The following APP variants were observed in gnomAD, a reference collection of about 807,000 sequenced individuals.
The protein encoded by APP is amyloid beta precursor protein.
APP carries 31 observed loss-of-function variants against 101.4 expected under a neutral mutation model. The ratio of observed to expected loss-of-function variants is 0.31; its 90% CI spans 0.23 to 0.41. The LOEUF (loss-of-function observed/expected upper bound fraction) is 0.41, where lower values mean the gene tolerates loss of function less well. APP is among the 10% of genes least tolerant of loss of function. The pLI is 1.00. For synonymous variants in APP, 366 were observed against 364.4 expected (o/e 1.00, Z -0.05); for missense variants, 839 against 1,003.7 (o/e 0.84, Z 2.22).
chr21:26,028,176 C>CA (rs200301180), intron 5 of APP, among the ~76,000 whole-genome samples: 3,136 of 93,218 alleles, frequency 0.034, 64 homozygotes, highest in African/African-American at 0.084. Context: ...GACTCTGTCT[C>CA]AAAAAAAAAA....
intron 1 of APP, among the ~76,000 whole-genome samples, chr21:26,142,856 G>GT (rs2063078300): frequency 6.6e-6 from 1 of 152,162 alleles, no homozygotes; most frequent in African/African-American, 2.4e-5. Context: ...GGTACTACCT[G>GT]TATTTCAGAG....
At chr21:26,044,589 G>A (rs1467686395) in intron 5 of APP, among the ~76,000 whole-genome samples, 1 of 152,074 alleles carries the variant, frequency 6.6e-6, no homozygotes, top group Admixed American at 6.6e-5. Flanking sequence ...GCCCAGGCTG[G>A]AGTGTGATGG....
At chr21:25,950,839 T>C in intron 13 of APP, among the ~76,000 whole-genome samples, 1 of 152,016 alleles carries the variant, frequency 6.6e-6, no homozygotes, top group African/African-American at 2.4e-5. Flanking sequence ...AGGCCAAATA[T>C]ACAGAACTTG....
chr21:25,916,066 A>G lies in APP; in HGVS notation c.1688-4104T>C, dbSNP rs775790990. Among the ~76,000 whole-genome samples, 4 of 151,994 alleles carry G rather than the reference A, an allele frequency of 2.6e-5. 1 individual carries two copies. The highest frequency in any genetic ancestry group is 5.9e-5 in the Non-Finnish European group (4 of 67,994). ...AATTTAGAAATAACCACCCCTGGCT[A>G]TGTCATTCAGAACAACGAACCTCTG... On this transcript the variant is annotated intron_variant, in intron 13 of 17. Coordinates refer to ENST00000346798, the MANE Select transcript of APP (RefSeq NM_000484.4).
At chr21:26,108,114 T>C (rs181162620) in intron 2 of APP, among the ~76,000 whole-genome samples, 1 of 152,204 alleles carries the variant, frequency 6.6e-6, no homozygotes, top group Non-Finnish European at 1.5e-5. Context: ...GAGTCACTGG[T>C]GGCTCGGGAT....
At chr21:26,115,125 G>A (rs894682955) in intron 1 of APP, among the ~76,000 whole-genome samples, 1 of 152,168 alleles carries the variant, frequency 6.6e-6, no homozygotes, top group South Asian at 2.1e-4. Flanking sequence ...GGAGAATCGT[G>A]ATGATTAACA....
At position 26,170,679 on chromosome 21, in the gene APP, T is replaced by C; in HGVS notation, c.-59A>G. Reference sequence around the variant, plus strand: ...GTGCGAGTGGGATCCGCCGCGTCCTTGCTCTGCCCGCGCCGCCACCGCCGC... The same window carrying C: ...GTGCGAGTGGGATCCGCCGCGTCCTCGCTCTGCCCGCGCCGCCACCGCCGC... On this transcript the variant is annotated 5_prime_UTR_variant, in exon 1 of 18. Coordinates refer to ENST00000346798, the MANE Select transcript of APP (RefSeq NM_000484.4). The C allele has an allele frequency of 6.8e-7, 1 of 1,465,194 alleles. No homozygotes were observed. The allele number at this position is 1,465,194 out of a possible 1,614,324, so 90.8% of individuals were successfully genotyped here.
At chr21:26,015,997 G>C (rs934342234) in intron 6 of APP, among the ~76,000 whole-genome samples, 2 of 151,792 alleles carry the variant, frequency 1.3e-5, no homozygotes, top group African/African-American at 2.4e-5. Flanking sequence ...GCTGACCCTT[G>C]ATCATTACTC....
At chr21:26,141,754 G>A (rs150788054) in intron 1 of APP, among the ~76,000 whole-genome samples, 15 of 152,122 alleles carry the variant, frequency 9.9e-5, no homozygotes, top group Non-Finnish European at 2.1e-4. Flanking sequence ...CTTTTCTATC[G>A]GTTCCAGTTT....
intron 13 of APP, among the ~76,000 whole-genome samples, chr21:25,915,332 C>T (rs977456662): frequency 1.2e-4 from 18 of 152,174 alleles, no homozygotes; most frequent in Non-Finnish European, 2.2e-4. Context: ...TATGACTCTC[C>T]TCTCCCAAGG....
intron 13 of APP, among the ~76,000 whole-genome samples, chr21:25,923,525 A>C (rs2039725895): frequency 9.4e-6 from 1 of 106,914 alleles, no homozygotes; most frequent in Non-Finnish European, 1.8e-5. Flanking sequence ...AACTCAAACA[A>C]ATTTACAAGA....
chr21:26,161,613 AATTTAAT>A (rs1419755428), intron 1 of APP, among the ~76,000 whole-genome samples: 1 of 152,188 alleles, frequency 6.6e-6, no homozygotes, highest in Non-Finnish European at 1.5e-5. Flanking sequence ...ATTGCTAATC[AATTTAAT>A]ATGTAAGTAT....
intron 2 of APP, among the ~76,000 whole-genome samples, chr21:26,107,161 T>A (rs982575555): frequency 9.2e-5 from 14 of 152,276 alleles, no homozygotes; most frequent in Admixed American, 6.5e-5. Flanking sequence ...ATTACTTACA[T>A]CCTTACAAGC....
Position 26,170,705 on chromosome 21 carries a change from C to A in APP, c.-85G>T. The A allele has an allele frequency of 7.2e-7, 1 of 1,381,844 alleles. No individual in the cohort carries two copies. The highest frequency in any genetic ancestry group is 9.5e-7 in the Non-Finnish European group (1 of 1,055,866). 85.6% of individuals were successfully genotyped at this position (1,381,844 alleles called of 1,614,324 possible). ...GCTCTGCCCGCGCCGCCACCGCCGC[C>A]GTCTCCCGGGGCCCCCGCGCACGCT... is the stretch of plus-strand genomic sequence containing the variant. On this transcript the variant is annotated 5_prime_UTR_variant, in exon 1 of 18. Coordinates refer to ENST00000346798, the MANE Select transcript of APP (RefSeq NM_000484.4).
intron 6 of APP, among the ~76,000 whole-genome samples, chr21:26,007,966 T>A (rs551217945): frequency 6.6e-6 from 1 of 152,336 alleles, no homozygotes; most frequent in Admixed American, 6.5e-5. Context: ...TGAAGTCTTA[T>A]GACAAATCTC....
chr21:26,083,157 A>T (rs1379793306), intron 3 of APP, among the ~76,000 whole-genome samples: 2 of 152,182 alleles, frequency 1.3e-5, no homozygotes, highest in Non-Finnish European at 2.9e-5. Context: ...TTATTACACC[A>T]ACTATAAGAT....
At chr21:25,895,329 C>T (rs1270103613) in intron 16 of APP, among the ~76,000 whole-genome samples, 1 of 152,006 alleles carries the variant, frequency 6.6e-6, no homozygotes, top group Non-Finnish European at 1.5e-5. Flanking sequence ...CCATATGCAG[C>T]TAATTTTTGT....
intron 5 of APP, among the ~76,000 whole-genome samples, chr21:26,034,911 C>T (rs1339759617): frequency 6.6e-6 from 1 of 152,058 alleles, no homozygotes; most frequent in Non-Finnish European, 1.5e-5. Context: ...CAATAAAATA[C>T]TAAAATGTGA....
intron 1 of APP, among the ~76,000 whole-genome samples, chr21:26,136,197 G>GAAAGAAAGAAAGAAAGAAAGAAAGA (rs1569018971): frequency 8.1e-6 from 1 of 124,160 alleles, no homozygotes; most frequent in African/African-American, 2.9e-5. Flanking sequence ...AAGAAAGAAA[G>GAAAGAAAGAAAGAAAGAAAGAAAGA]AAAGAAAAGA....
Sources: gnomAD v4.1 joint callset for allele counts (sites outside exome capture counted in the v4.1 genomes callset) on GRCh38, gnomAD v4.1.1 for gene constraint, MANE v1.5 for transcripts, NCBI Gene and HGNC (gene_info 2026-07-23, HGNC 2026-07-21) for gene names.